SORCS1: variants seen among roughly 807,000 people sequenced by gnomAD.
The protein encoded by SORCS1 is sortilin related VPS10 domain containing receptor 1, also known as VPS10 domain-containing receptor SorCS1.
A neutral mutation model predicts 146.1 loss-of-function variants in SORCS1; 60 were observed. That is an observed-to-expected ratio of 0.41 (90% CI 0.33 to 0.51). The LOEUF is 0.51. Ranked by LOEUF, SORCS1 falls within the 20% of genes least tolerant of loss-of-function variation. SORCS1 has a pLI of 0.21. For synonymous variants in SORCS1, 637 were observed against 584.0 expected (o/e 1.09, Z -1.31); for missense variants, 1,352 against 1,487.6 (o/e 0.91, Z 1.50).
intron 19 of SORCS1, among the ~76,000 whole-genome samples, chr10:106,624,480 C>A (rs1284230857): frequency 6.7e-6 from 1 of 149,638 alleles, no homozygotes; most frequent in Non-Finnish European, 1.5e-5. Context: ...CCTGCTTCAT[C>A]CTCATGAGTA....
intron 3 of SORCS1, among the ~76,000 whole-genome samples, chr10:106,805,748 T>C (rs1243143766): frequency 6.6e-6 from 1 of 151,932 alleles, no homozygotes; most frequent in East Asian, 1.9e-4. Context: ...ATCATAATGA[T>C]GCAAAGGAAA....
At chr10:107,002,591 A>T (rs552072193) in intron 1 of SORCS1, among the ~76,000 whole-genome samples, 1 of 152,346 alleles carries the variant, frequency 6.6e-6, no homozygotes, top group South Asian at 2.1e-4. Context: ...CACATAGCAT[A>T]GCTTTCCTGA....
At chr10:106,647,415 C>CACACACACA (rs1488091123) in intron 18 of SORCS1, among the ~76,000 whole-genome samples, 1 of 151,648 alleles carries the variant, frequency 6.6e-6, no homozygotes, top group Non-Finnish European at 1.5e-5. Context: ...CACACACACA[C>CACACACACA]AATTTTCTAC....
chr10:107,169,319 G>A (rs532370114), upstream of SORCS1, among the ~76,000 whole-genome samples: 3 of 152,270 alleles, frequency 2.0e-5, no homozygotes, highest in East Asian at 5.8e-4. Flanking sequence ...AAACTGGGGA[G>A]AATAATATGC....
chr10:106,844,089 G>A (rs969999509), intron 2 of SORCS1, among the ~76,000 whole-genome samples: 2 of 152,216 alleles, frequency 1.3e-5, no homozygotes, highest in South Asian at 2.1e-4. Context: ...CCTAATAGTT[G>A]TAAGGTGATA....
chr10:106,590,133 A>G (rs2133263855), intron 24 of SORCS1, among the ~76,000 whole-genome samples: 1 of 152,314 alleles, frequency 6.6e-6, no homozygotes, highest in South Asian at 2.1e-4. Context: ...AATTTTATAC[A>G]TAAACCATAT....
At chr10:106,675,603 C>T (rs1382446867) in intron 13 of SORCS1, among the ~76,000 whole-genome samples, 3 of 152,120 alleles carry the variant, frequency 2.0e-5, no homozygotes, top group African/African-American at 7.2e-5. Flanking sequence ...CTTCTTACAA[C>T]CATAAATCCT....
intron 10 of SORCS1, among the ~76,000 whole-genome samples, chr10:106,684,014 G>A (rs1284417307): frequency 6.6e-6 from 1 of 152,076 alleles, no homozygotes; most frequent in Non-Finnish European, 1.5e-5. Context: ...ATTCTCCTGG[G>A]GCAGCTGTCT....
chr10:106,818,807 G>A (rs950544077), intron 3 of SORCS1, among the ~76,000 whole-genome samples: 5 of 152,148 alleles, frequency 3.3e-5, no homozygotes, highest in Admixed American at 6.6e-5. Context: ...TACATACACC[G>A]AAAGACTGTT....
chr10:106,857,893 G>A (rs1437080235), intron 2 of SORCS1, among the ~76,000 whole-genome samples: 2 of 152,150 alleles, frequency 1.3e-5, no homozygotes, highest in South Asian at 2.1e-4. Flanking sequence ...AAACGATGAC[G>A]TGGAGCTGAA....
chr10:106,949,608 G>A (rs10884390), intron 2 of SORCS1, among the ~76,000 whole-genome samples: 67,496 of 152,116 alleles, frequency 0.44, 17,523 homozygotes, highest in Non-Finnish European at 0.58. Context: ...GAGAAAATGG[G>A]ACAGGGCTGG....
intron 1 of SORCS1, among the ~76,000 whole-genome samples, chr10:107,067,237 G>C (rs1961956965): frequency 6.6e-6 from 1 of 151,268 alleles, no homozygotes; most frequent in African/African-American, 2.4e-5. Context: ...CATATTAATA[G>C]TTTCCCTGGA....
At chr10:107,139,289 G>A (rs1967597724) in intron 1 of SORCS1, among the ~76,000 whole-genome samples, 1 of 152,122 alleles carries the variant, frequency 6.6e-6, no homozygotes, top group South Asian at 2.1e-4. Flanking sequence ...AGGCAGAGTT[G>A]TGCACTTAGT....
intron 5 of SORCS1, among the ~76,000 whole-genome samples, chr10:106,750,722 C>T (rs1247116045): frequency 1.3e-5 from 1 of 74,482 alleles, no homozygotes; most frequent in African/African-American, 5.4e-5. Context: ...GGGTGAGACT[C>T]CCTCTCAAAA....
chr10:107,155,693 C>T (rs921263111), intron 1 of SORCS1, among the ~76,000 whole-genome samples: 1 of 152,108 alleles, frequency 6.6e-6, no homozygotes, highest in Admixed American at 6.6e-5. Context: ...GACCCATCCA[C>T]CACCCGGCCC....
rs1958049506 is a variant in SORCS1 at position 107,019,683 on chromosome 10, C to T, written c.559-63103G>A. ...AATGCCATTCAATCAAAAGGTATAA[C>T]TATAATTTCAGAAATGCCAAAGGCA... On this transcript the variant is annotated intron_variant, in intron 1 of 25. Coordinates refer to ENST00000263054, the MANE Select transcript of SORCS1 (RefSeq NM_052918.5). Among the ~76,000 whole-genome samples, 3 of 152,200 alleles carry T rather than the reference C, an allele frequency of 2.0e-5. No individual in the cohort carries two copies. The South Asian group carries it at 6.2e-4, about 31-fold the overall frequency.
intron 9 of SORCS1, among the ~76,000 whole-genome samples, chr10:106,691,314 G>T (rs1353494405): frequency 1.3e-5 from 2 of 152,114 alleles, no homozygotes; most frequent in African/African-American, 2.4e-5. Context: ...TTGGAAGTCT[G>T]TCCTCCTTTG....
intron 1 of SORCS1, among the ~76,000 whole-genome samples, chr10:107,142,689 T>C (rs954578802): frequency 2.6e-5 from 4 of 152,190 alleles, no homozygotes; most frequent in Non-Finnish European, 4.4e-5. Flanking sequence ...ATGTCCAGTT[T>C]CACCTGCGGT....
chr10:106,981,188 T>A (rs1956234104), intron 1 of SORCS1, among the ~76,000 whole-genome samples: 1 of 152,074 alleles, frequency 6.6e-6, no homozygotes, highest in African/African-American at 2.4e-5. Flanking sequence ...GATAAATAAA[T>A]AAATACAACA....
Sources: gnomAD v4.1 joint callset for allele counts (sites outside exome capture counted in the v4.1 genomes callset) on GRCh38, gnomAD v4.1.1 for gene constraint, MANE v1.5 for transcripts, NCBI Gene and HGNC (gene_info 2026-07-23, HGNC 2026-07-21) for gene names.